The following HNRNPDL variants were observed in gnomAD, a reference collection of about 807,000 sequenced individuals.
HNRNPDL encodes the protein heterogeneous nuclear ribonucleoprotein D like, also known as heterogeneous nuclear ribonucleoprotein D-like.
Under a neutral mutation model 48.0 loss-of-function variants are expected in HNRNPDL, and 18 were observed. The observed-to-expected ratio is 0.38, with a 90% CI of 0.26 to 0.56. The LOEUF is 0.56. Ranked by LOEUF, HNRNPDL falls within the 20% of genes least tolerant of loss-of-function variation. The pLI, the probability that HNRNPDL is intolerant of heterozygous loss-of-function variation, is 0.77. For synonymous variants in HNRNPDL, 306 were observed against 207.3 expected, an observed-to-expected ratio of 1.48 and a Z score of -4.09; for missense variants, 553 against 540.7, an observed-to-expected ratio of 1.02 and a Z score of -0.23.
rs867551079 is a variant in HNRNPDL, at chr4:82,430,430, C to T, written c.-740G>A. 1.0e-5 allele frequency: 2 copies of T among 194,652 alleles called. No individual in the cohort carries two copies. Among genetic ancestry groups the T allele is most frequent in the Non-Finnish European group, 1.1e-5 (1 of 94,782 alleles). The allele number at this position is 194,652 out of a possible 1,614,324, so 12.1% of individuals were successfully genotyped here. A position where few individuals can be genotyped will look rare whatever the true frequency, so the allele number is the denominator to read the frequency against. The stretch of plus-strand genomic sequence containing the variant: ...AACCTGTCTGCGGAGGGCGCGCTCT[C>T]GCGCACCCTGCTCCCGCGTTCGCTT... On this transcript the variant is annotated 5_prime_UTR_variant, in exon 1 of 8. Coordinates refer to ENST00000295470, the MANE Select transcript of HNRNPDL (RefSeq NM_031372.4).
Position 82,427,281 on chromosome 4 carries a change from G to C in HNRNPDL, c.930C>G (p.Pro310=), listed in dbSNP as rs1721453349. 1.2e-6 allele frequency: 2 copies of C among 1,602,562 alleles called. No homozygotes were observed. The highest frequency in any genetic ancestry group is 2.3e-5 in the South Asian group (2 of 88,098). The change falls in exon 5 of 8, where the codon CCC becomes CCG. Residue 310 remains proline (P), a synonymous_variant. Transcript: ENST00000295470. The part of the protein sequence containing the change: ...SGKCEIKVAQ[P]KEVYRQQQQQ... The stretch of plus-strand genomic sequence containing the variant: ...GCTGTTGCTGCCTATATACCTCTTT[G>C]GGTTGTGCAACTTTGATTTCACACT...
rs1337250774 is a variant in HNRNPDL at position 82,428,105 on chromosome 4, T to C, written c.687A>G (p.Lys229=). The C allele has an allele frequency of 2.5e-6, 4 of 1,614,216 alleles. No homozygotes were observed. The highest frequency in any genetic ancestry group is 3.4e-6 in the Non-Finnish European group (4 of 1,180,026). ...DPKRAKALKG[K]EPPKKVFVGG... ...CCACAAAAACCTTTTTGGGAGGTTC[T>C]TTCCCTTTTAAAGCTTTGGCCCTTT... The change falls in exon 3 of 8, where the codon AAA becomes AAG. Residue 229 remains lysine (K), a synonymous_variant. Coordinates refer to ENST00000295470, the MANE Select transcript of HNRNPDL (RefSeq NM_031372.4).
chr4:82,426,022 T>C lies in HNRNPDL; in HGVS notation c.*22+15A>G. Reference sequence around the variant, plus strand: ...ATTAGACATTTCTACTGTTTTCCTGTACTCTTATACACACCTGTTTTCTCC... The same window carrying C: ...ATTAGACATTTCTACTGTTTTCCTGCACTCTTATACACACCTGTTTTCTCC... On this transcript the variant is annotated intron_variant, in intron 7 of 7. Coordinates refer to ENST00000295470, the MANE Select transcript of HNRNPDL (RefSeq NM_031372.4). 6.9e-7 allele frequency: 1 copy of C among 1,457,186 alleles called. No individual in the cohort carries two copies. Among genetic ancestry groups the C allele is most frequent in the Non-Finnish European group, 9.6e-7 (1 of 1,038,682 alleles). 90.3% of individuals were successfully genotyped at this position (1,457,186 alleles called of 1,614,324 possible).
Position 82,429,488 on chromosome 4 carries a change from C to T in HNRNPDL, c.203G>A (p.Arg68Gln). Residue 68 changes from arginine to glutamine, a missense_variant, in exon 1 of 8, where the codon CGA (arginine) becomes CAA (glutamine). Arg to Gln is a conservative substitution (Grantham distance 43, BLOSUM62 1). Around this residue, in one of 4 missense-constraint regions of HNRNPDL, gnomAD observed 327 missense variants for 203.2 expected, o/e 1.61. Transcript: ENST00000295470. ...CTTTATAGCCGCCCCGCCCGCCAAT[C>T]GGGAGGGCTGCTGGGCGGTGACGTG... Reference protein sequence around the residue: ...QRHVTAQQPSRLAGGAAIKGG... With the variant: ...QRHVTAQQPSQLAGGAAIKGG... The T allele has an allele frequency of 6.4e-7, 1 of 1,570,332 alleles. No individual in the cohort carries two copies. Among genetic ancestry groups the T allele is most frequent in the South Asian group, 1.1e-5 (1 of 88,018 alleles).
Position 82,423,523 on chromosome 4 carries a change from A to G in HNRNPDL, c.*1383T>C, listed in dbSNP as rs574184374. On this transcript the variant is annotated 3_prime_UTR_variant, in exon 8 of 8. Transcript: ENST00000295470. ...CATTGTTAAGAAAGTTGCAGGCACC[A>G]AATTAAAAAAAAAAAGGGAGGGCTC... 1.1e-3 allele frequency: 160 copies of G among 152,124 alleles called. No homozygotes were observed. The highest frequency in any genetic ancestry group is 3.6e-3 in the African/African-American group (148 of 41,472). The allele number at this position is 152,124 out of a possible 1,614,324, so 9.4% of individuals were successfully genotyped here. A position where few individuals can be genotyped will look rare whatever the true frequency, so the allele number is the denominator to read the frequency against.
In HNRNPDL at chr4:82,426,499, T is replaced by G. The variant is rs776278860; in HGVS notation, c.1156A>C (p.Asn386His). The G allele has an allele frequency of 6.2e-7, 1 of 1,612,708 alleles. No individual in the cohort carries two copies. The highest frequency in any genetic ancestry group is 8.5e-7 in the Non-Finnish European group (1 of 1,178,908). Residue 386 changes from asparagine to histidine, a missense_variant, in exon 6 of 8, where the codon AAC becomes CAC. Asn to His is a moderately conservative substitution (Grantham distance 68). This residue lies in a region of HNRNPDL where 174 missense variants were observed against 204.6 expected (regional missense o/e 0.85). Transcript: ENST00000295470. Reference protein sequence around the residue: ...GYDYTGYNYGNYGYGQGYADY... With the variant: ...GYDYTGYNYGHYGYGQGYADY... ...GCATATCCCTGTCCATATCCATAGT[T>G]CCCATAGTTATACCCAGTATAATCA...
rs1325536184 is a variant in HNRNPDL at position 82,429,571 on chromosome 4, C to T, written c.120G>A (p.Pro40=). The T allele has an allele frequency of 4.2e-6, 6 of 1,414,024 alleles. No individual in the cohort carries two copies. In the South Asian group the frequency reaches 7.8e-5, roughly 18 times the overall value. The allele number at this position is 1,414,024 out of a possible 1,614,324, so 87.6% of individuals were successfully genotyped here. The change falls in exon 1 of 8, where the codon CCG becomes CCA. Residue 40 remains proline, a synonymous_variant. Transcript: ENST00000295470. ...WRPRPPRQLA[P]LLPSLAPSSA... ...AGCTGGGAGCGAGCGAAGGGAGGAG[C>T]GGGGCTAGCTGCCGCGGCGGCCGCG...
Position 82,423,116 on chromosome 4 carries a change from C to T in HNRNPDL, c.*1790G>A, listed in dbSNP as rs1216282546. Reference sequence around the variant, plus strand: ...GCAAGAAAAACCAATTCTCACTCCCCCTTCAATTCTTTGCAAAACATCTCA... The same window carrying T: ...GCAAGAAAAACCAATTCTCACTCCCTCTTCAATTCTTTGCAAAACATCTCA... On this transcript the variant is annotated 3_prime_UTR_variant, in exon 8 of 8. Transcript: ENST00000295470. 1 of 152,114 alleles carries T rather than the reference C, an allele frequency of 6.6e-6. No individual in the cohort carries two copies. Among genetic ancestry groups the T allele is most frequent in the Non-Finnish European group, 1.5e-5 (1 of 68,030 alleles). The allele number at this position is 152,114 out of a possible 1,614,324, so 9.4% of individuals were successfully genotyped here.
Position 82,429,535 on chromosome 4 carries a change from C to A in HNRNPDL, c.156G>T (p.Gln52His). ...CGTGGCGCTGGGCCCGGCGCGCCCC[C>A]TGCCGGGCGGAGCTGGGAGCGAGCG... is the stretch of plus-strand genomic sequence containing the variant. ...LPSLAPSSAR[Q>H]GARRAQRHVT... Residue 52 changes from glutamine (Q) to histidine (H), a missense_variant, in exon 1 of 8, where the codon CAG (glutamine) becomes CAT (histidine). Around this residue, in one of 4 missense-constraint regions of HNRNPDL, gnomAD observed 327 missense variants for 203.2 expected, o/e 1.61. Transcript: ENST00000295470. The A allele has an allele frequency of 2.7e-6, 4 of 1,481,352 alleles. No individual in the cohort carries two copies. The highest frequency in any genetic ancestry group is 3.6e-6 in the Non-Finnish European group (4 of 1,119,088). 91.8% of individuals were successfully genotyped at this position (1,481,352 alleles called of 1,614,324 possible).
Position 82,429,640 on chromosome 4 carries a change from G to T in HNRNPDL, c.51C>A (p.Ser17=). Residue 17 remains serine, a synonymous_variant, in exon 1 of 8, where the codon TCC becomes TCA. Transcript: ENST00000295470. Reference sequence around the variant, plus strand: ...TGCGGGAGGCTAAAGTAGCGGGAGCGGAGGGGAACAATGGCGGCGGCACAT... The same window carrying T: ...TGCGGGAGGCTAAAGTAGCGGGAGCTGAGGGGAACAATGGCGGCGGCACAT... ...LSHVPPPLFP[S]APATLASRSL... 7.3e-7 allele frequency: 1 copy of T among 1,371,942 alleles called. No individual in the cohort carries two copies. Among genetic ancestry groups the T allele is most frequent in the African/African-American group, 1.5e-5 (1 of 65,170 alleles). 85.0% of individuals were successfully genotyped at this position (1,371,942 alleles called of 1,614,324 possible). A position where few individuals can be genotyped will look rare whatever the true frequency, so the allele number is the denominator to read the frequency against.
chr4:82,429,449 C>G lies in HNRNPDL; in HGVS notation c.242G>C (p.Arg81Pro). ...ATGGCGGCGGAAGAGATCCGGGCGC[C>G]GCCTGCGCCCTCCCTTTATAGCCGC... ...GGAAIKGGRR[R>P]RPDLFRRHFK... The change falls in exon 1 of 8, where the codon CGG (arginine) becomes CCG (proline). Residue 81 changes from arginine (R) to proline (P), a missense_variant. Transcript: ENST00000295470. 1 of 1,608,014 alleles carries G rather than the reference C, an allele frequency of 6.2e-7. No individual in the cohort carries two copies. Among genetic ancestry groups the G allele is most frequent in the Non-Finnish European group, 8.5e-7 (1 of 1,177,336 alleles).
At chr4:82,427,897 A>T in intron 3 of HNRNPDL, 121 bp downstream of exon 3, 1 of 972,020 alleles carries the variant, frequency 1.0e-6, no homozygotes, top group East Asian at 2.5e-5. Flanking sequence ...ACTGGAAGCG[A>T]CTTGAGCAGT....
chr4:82,429,265 C>A lies in HNRNPDL; in HGVS notation c.426G>T (p.Lys142Asn). The change falls in exon 1 of 8, where the codon AAG (lysine) becomes AAT (asparagine). Residue 142 changes from lysine (K) to asparagine (N), a missense_variant. Lys to Asn is a moderately conservative substitution (Grantham distance 94). Around this residue, in one of 4 missense-constraint regions of HNRNPDL, gnomAD observed 43 missense variants for 104.0 expected, o/e 0.41. Coordinates refer to ENST00000295470, the MANE Select transcript of HNRNPDL (RefSeq NM_031372.4). ...TGCGGTACCCGTCATCCTGCTGATT[C>A]TTGCTCGCGTTGATCTTGGATCCCT... ...FAEGSKINAS[K>N]NQQDDGKMFI... 6.2e-7 allele frequency: 1 copy of A among 1,613,620 alleles called. No individual in the cohort carries two copies. Among genetic ancestry groups the A allele is most frequent in the Non-Finnish European group, 8.5e-7 (1 of 1,179,918 alleles).
Position 82,429,766 on chromosome 4 carries a change from A to C in HNRNPDL, c.-76T>G. 1.7e-6 allele frequency: 2 copies of C among 1,148,350 alleles called. No homozygotes were observed. Among genetic ancestry groups the C allele is most frequent in the Non-Finnish European group, 2.3e-6 (2 of 886,756 alleles). The allele number at this position is 1,148,350 out of a possible 1,614,324, so 71.1% of individuals were successfully genotyped here. On this transcript the variant is annotated 5_prime_UTR_variant, in exon 1 of 8. Transcript: ENST00000295470. ...GGGAGAAGAGAAGAATCAGAAGAGA[A>C]AAACGAAGGGGCGTAAATTCCTGGG...
intron 5 of HNRNPDL, 114 bp downstream of exon 5, chr4:82,427,076 C>T (rs1388198453): frequency 2.3e-5 from 18 of 792,838 alleles, no homozygotes; most frequent in Non-Finnish European, 3.6e-5. Context: ...AACAGTCCCC[C>T]CTCCGCTGGA....
chr4:82,425,996 A>T (rs1017193365), intron 7 of HNRNPDL, 41 bp downstream of exon 7: 59 of 1,234,532 alleles, frequency 4.8e-5, no homozygotes, highest in Non-Finnish European at 6.8e-5. Flanking sequence ...CTTTAAATTA[A>T]ATTAGACATT....
rs1196892880 is a variant in HNRNPDL at position 82,424,058 on chromosome 4, A to T, written c.*848T>A. The T allele has an allele frequency of 6.6e-6, 1 of 152,178 alleles. No individual in the cohort carries two copies. The highest frequency in any genetic ancestry group is 1.5e-5 in the Non-Finnish European group (1 of 68,032). The allele number at this position is 152,178 out of a possible 1,614,324, so 9.4% of individuals were successfully genotyped here. On this transcript the variant is annotated 3_prime_UTR_variant, in exon 8 of 8. Transcript: ENST00000295470. ...TTGCCACTATTTTAATTTTTCGACCAAACTCATACCTTTCTACCAAAATCC... is the reference window on the plus strand; with the variant it reads ...TTGCCACTATTTTAATTTTTCGACCTAACTCATACCTTTCTACCAAAATCC...
intron 1 of HNRNPDL, among the ~76,000 whole-genome samples, chr4:82,428,944 C>CTGCAGCG (rs1469017118): frequency 6.6e-6 from 1 of 152,204 alleles, no homozygotes; most frequent in Non-Finnish European, 1.5e-5. Context: ...GCGGCGGCAG[C>CTGCAGCG]TGCAGCGTGC....
At chr4:82,427,906 G>C in intron 3 of HNRNPDL, 112 bp downstream of exon 3, 1 of 1,053,024 alleles carries the variant, frequency 9.5e-7, no homozygotes, top group Non-Finnish European at 1.4e-6. Context: ...GACTTGAGCA[G>C]TCATTTAATT....
Sources: allele counts gnomAD v4.1 joint callset (sites outside exome capture counted in the v4.1 genomes callset), GRCh38; gene constraint gnomAD v4.1.1; regional missense constraint gnomAD v4.1.1; transcripts MANE v1.5; gene names NCBI Gene and HGNC (gene_info 2026-07-23, HGNC 2026-07-21).